The following DAD1 variants were observed in gnomAD, a reference collection of about 807,000 sequenced individuals.
DAD1 encodes the protein defender against cell death 1.
DAD1 carries 4 observed loss-of-function variants against 9.0 expected under a neutral mutation model. The ratio of observed to expected loss-of-function variants is 0.44; its 90% CI spans 0.22 to 1.01. The LOEUF is 1.01. DAD1 is among the 50% of genes least tolerant of loss of function. DAD1 has a pLI of 0.24. For synonymous variants in DAD1, 60 were observed against 62.5 expected (o/e 0.96, Z 0.19); for missense variants, 119 against 137.3 (o/e 0.87, Z 0.67).
chr14:22,584,938 T>C (rs753396424), intron 1 of DAD1, among the ~76,000 whole-genome samples: 5 of 152,172 alleles, frequency 3.3e-5, no homozygotes, highest in Admixed American at 6.5e-5. Flanking sequence ...ATAAGAGATA[T>C]TGAGAGGCTA....
chr14:22,575,216 T>C lies in DAD1; in HGVS notation c.229A>G (p.Ile77Val). The C allele has an allele frequency of 4.3e-6, 7 of 1,613,994 alleles. No individual in the cohort carries two copies. The highest frequency in any genetic ancestry group is 5.9e-6 in the Non-Finnish European group (7 of 1,179,988). Reference sequence around the variant, plus strand: ...AAATCCGCTTTGTTCTGTGGGTTGATCTGTATTCTCAGGCAAACTGCACAA... The same window carrying C: ...AAATCCGCTTTGTTCTGTGGGTTGACCTGTATTCTCAGGCAAACTGCACAA... ...FILAVCLRIQ[I>V]NPQNKADFQG... is the part of the protein sequence containing the mutation. The change falls in exon 2 of 3, where the codon ATC becomes GTC. Residue 77 changes from isoleucine (I) to valine (V), a missense_variant. Coordinates refer to ENST00000250498, the MANE Select transcript of DAD1 (RefSeq NM_001344.4).
At chr14:22,581,052 C>A (rs888096665) in intron 1 of DAD1, among the ~76,000 whole-genome samples, 3 of 152,310 alleles carry the variant, frequency 2.0e-5, no homozygotes, top group African/African-American at 7.2e-5. Context: ...TCCATTTTAG[C>A]AATTCTGATT....
chr14:22,583,716 C>G lies in DAD1; in HGVS notation c.211+5231G>C, dbSNP rs1049762859. On this transcript the variant is annotated intron_variant, in intron 1 of 2. Coordinates refer to ENST00000250498, the MANE Select transcript of DAD1 (RefSeq NM_001344.4). ...CGGAACAGAGGAATAATTGCAGAAGCGGAGTCCCTGAGTGAGCAAGGGAAG... is the reference window on the plus strand; with the variant it reads ...CGGAACAGAGGAATAATTGCAGAAGGGGAGTCCCTGAGTGAGCAAGGGAAG... Among the ~76,000 whole-genome samples the G allele has an allele frequency of 2.0e-5, 3 of 151,882 alleles. No individual in the cohort carries two copies. The East Asian group carries it at 5.8e-4, about 29-fold the overall frequency.
intron 1 of DAD1, among the ~76,000 whole-genome samples, chr14:22,579,121 A>T (rs1055656663): frequency 2.6e-5 from 4 of 151,798 alleles, no homozygotes; most frequent in African/African-American, 9.7e-5. Flanking sequence ...GCAGCTGCTT[A>T]TTTGTCTCAA....
intron 2 of DAD1, among the ~76,000 whole-genome samples, chr14:22,566,672 A>C (rs770213731): frequency 1.4e-4 from 21 of 152,270 alleles, no homozygotes; most frequent in Non-Finnish European, 1.2e-4. Context: ...CTAGATCATA[A>C]TGCCATTTTC....
At chr14:22,567,218 G>A (rs2037007240) in intron 2 of DAD1, 1 of 152,218 alleles carries the variant, frequency 6.6e-6, no homozygotes, top group Admixed American at 6.5e-5. Flanking sequence ...ACGCTGTAGA[G>A]ATAGAAAAGA....
chr14:22,577,663 G>A (rs2037087219), intron 1 of DAD1, among the ~76,000 whole-genome samples: 1 of 152,198 alleles, frequency 6.6e-6, no homozygotes, highest in South Asian at 2.1e-4. Context: ...ATTATTTTAA[G>A]TGACATAAGC....
At chr14:22,575,493 TA>T (rs1392561305) in intron 1 of DAD1, among the ~76,000 whole-genome samples, 2 of 152,210 alleles carry the variant, frequency 1.3e-5, no homozygotes, top group Non-Finnish European at 2.9e-5. Flanking sequence ...GAACTTCTGC[TA>T]TACACAAAAA....
chr14:22,579,840 C>T (rs868142782), intron 1 of DAD1, among the ~76,000 whole-genome samples: 11 of 129,246 alleles, frequency 8.5e-5, no homozygotes, highest in East Asian at 2.2e-4. Context: ...AAAGCCAATC[C>T]TTTTTTTTTT....
chr14:22,578,453 C>A (rs1297158984), intron 1 of DAD1, among the ~76,000 whole-genome samples: 1 of 152,108 alleles, frequency 6.6e-6, no homozygotes, highest in African/African-American at 2.4e-5. Context: ...GTAATCCCAG[C>A]TACTCAGGAG....
At chr14:22,574,533 T>C (rs1288565843) in intron 2 of DAD1, among the ~76,000 whole-genome samples, 1 of 152,178 alleles carries the variant, frequency 6.6e-6, no homozygotes, top group Non-Finnish European at 1.5e-5. Context: ...CCAAGCAGCA[T>C]CCCATCTTAT....
chr14:22,566,405 G>A (rs2037002294), intron 2 of DAD1, among the ~76,000 whole-genome samples: 1 of 151,882 alleles, frequency 6.6e-6, no homozygotes, highest in Admixed American at 6.6e-5. Flanking sequence ...CGTGATCTCG[G>A]GTCACCGCAA....
chr14:22,579,683 T>C (rs918426556), intron 1 of DAD1, among the ~76,000 whole-genome samples: 1 of 152,030 alleles, frequency 6.6e-6, no homozygotes, highest in Non-Finnish European at 1.5e-5. Flanking sequence ...GTTTGTAAAG[T>C]TGAAAAAAAA....
chr14:22,573,720 AAAAAAAAAC>A (rs199787493), intron 2 of DAD1, among the ~76,000 whole-genome samples: 13,077 of 148,928 alleles, frequency 0.088, 1,127 homozygotes, highest in African/African-American at 0.21. Context: ...AAAAAAAAAA[AAAAAAAAAC>A]AGAAAAGAAA....
chr14:22,580,508 G>A (rs2139244296), intron 1 of DAD1, among the ~76,000 whole-genome samples: 1 of 152,066 alleles, frequency 6.6e-6, no homozygotes, highest in African/African-American at 2.4e-5. Context: ...AAAAAAATCT[G>A]AAGAAATAGA....
intron 2 of DAD1, among the ~76,000 whole-genome samples, chr14:22,568,278 A>C (rs953049911): frequency 6.6e-6 from 1 of 152,258 alleles, no homozygotes; most frequent in African/African-American, 2.4e-5. Context: ...ATGTAAAAGT[A>C]TATGTGGAAT....
Position 22,575,224 on chromosome 14 carries a change from C to A in DAD1, c.221G>T (p.Arg74Ile). 6.2e-7 allele frequency: 1 copy of A among 1,613,466 alleles called. No homozygotes were observed. The highest frequency in any genetic ancestry group is 2.2e-5 in the East Asian group (1 of 44,860). Residue 74 changes from arginine to isoleucine, a missense_variant, in exon 2 of 3, where the codon AGA becomes ATA. Transcript: ENST00000250498. ...TTTGTTCTGTGGGTTGATCTGTATTCTCAGGCAAACTGCACAAGAAGCAAA... is the reference window on the plus strand; with the variant it reads ...TTTGTTCTGTGGGTTGATCTGTATTATCAGGCAAACTGCACAAGAAGCAAA... ...VGSFILAVCLRIQINPQNKAD... is the reference protein window; with the variant it reads ...VGSFILAVCLIIQINPQNKAD...
At chr14:22,585,028 A>G (rs2037143152) in intron 1 of DAD1, among the ~76,000 whole-genome samples, 1 of 152,252 alleles carries the variant, frequency 6.6e-6, no homozygotes, top group South Asian at 2.1e-4. Flanking sequence ...GCAAACTTCT[A>G]ATCTCTCGGA....
chr14:22,581,887 G>A (rs942547279), intron 1 of DAD1, among the ~76,000 whole-genome samples: 3 of 152,008 alleles, frequency 2.0e-5, no homozygotes, highest in Admixed American at 1.3e-4. Context: ...CGGTGGAACA[G>A]TATAATGGTT....
Sources: allele counts gnomAD v4.1 joint callset (sites outside exome capture counted in the v4.1 genomes callset), GRCh38; gene constraint gnomAD v4.1.1; transcripts MANE v1.5; gene names NCBI Gene and HGNC (gene_info 2026-07-23, HGNC 2026-07-21).